The following MAML3 variants were observed in gnomAD, a reference collection of about 807,000 sequenced individuals.
MAML3 encodes mastermind-like protein 3.
Under a neutral mutation model 101.9 loss-of-function variants are expected in MAML3, and 27 were observed. The observed-to-expected ratio is 0.27, with a 90% CI of 0.20 to 0.37. The LOEUF (loss-of-function observed/expected upper bound fraction) is 0.37. MAML3 is among the 10% of genes least tolerant of loss of function. MAML3 has a pLI of 1.00. For missense variants in MAML3, 1,316 were observed against 1,444.9 expected (o/e 0.91, Z 1.45); for synonymous variants, 501 against 555.9 (o/e 0.90, Z 1.39).
At chr4:139,731,204 A>G (rs1728692950) in intron 2 of MAML3, 1 of 159,652 alleles carries the variant, frequency 6.3e-6, no homozygotes, top group Non-Finnish European at 1.4e-5. Context: ...GCTTAGATAT[A>G]TGTCAGAAAG....
At chr4:139,891,950 T>C (rs1732508435) in intron 1 of MAML3, among the ~76,000 whole-genome samples, 1 of 152,222 alleles carries the variant, frequency 6.6e-6, no homozygotes, top group South Asian at 2.1e-4. Context: ...TTCTTTTTCC[T>C]AAACGATGGG....
intron 1 of MAML3, among the ~76,000 whole-genome samples, chr4:140,094,860 C>G (rs190611626): frequency 4.9e-4 from 75 of 152,348 alleles, no homozygotes; most frequent in Admixed American, 1.4e-3. Flanking sequence ...ATAAGCTGTT[C>G]TTTTTCTTTT....
intron 1 of MAML3, among the ~76,000 whole-genome samples, chr4:140,011,342 G>T (rs113922645): frequency 0.52 from 47,655 of 91,654 alleles, 11,606 homozygotes; most frequent in East Asian, 0.78. Context: ...TTCTTGTTTT[G>T]TTTTTTTTTT....
intron 2 of MAML3, among the ~76,000 whole-genome samples, chr4:139,827,346 G>C (rs1731078784): frequency 6.6e-6 from 1 of 152,174 alleles, no homozygotes; most frequent in Non-Finnish European, 1.5e-5. Context: ...AACAAAGACT[G>C]ACTGCTGAGG....
intron 2 of MAML3, among the ~76,000 whole-genome samples, chr4:139,774,039 G>C (rs1730046324): frequency 1.3e-5 from 2 of 152,318 alleles, no homozygotes. Context: ...ATCCTTTGCA[G>C]CAGGCCGTGT....
At chr4:139,955,924 C>T (rs1733908116) in intron 1 of MAML3, among the ~76,000 whole-genome samples, 1 of 152,202 alleles carries the variant, frequency 6.6e-6, no homozygotes, top group Non-Finnish European at 1.5e-5. Flanking sequence ...ACAGCCTCCC[C>T]ACTCTTCCCC....
At chr4:140,140,899 C>A (rs1316803689) in intron 1 of MAML3, among the ~76,000 whole-genome samples, 2 of 152,150 alleles carry the variant, frequency 1.3e-5, no homozygotes, top group African/African-American at 2.4e-5. Context: ...GGGACCTCAT[C>A]ATAAAACAGC....
intron 1 of MAML3, among the ~76,000 whole-genome samples, chr4:140,140,106 G>A (rs1264570250): frequency 3.3e-5 from 5 of 152,068 alleles, no homozygotes; most frequent in Admixed American, 1.3e-4. Context: ...GGTGGATCAC[G>A]AGGTCAGGAG....
At chr4:140,075,725 A>G (rs1055270542) in intron 1 of MAML3, among the ~76,000 whole-genome samples, 2 of 150,686 alleles carry the variant, frequency 1.3e-5, no homozygotes, top group African/African-American at 4.9e-5. Flanking sequence ...TTTTGTAGAG[A>G]TGACGTCTCC....
intron 2 of MAML3, among the ~76,000 whole-genome samples, chr4:139,871,885 G>GT (rs1209408363): frequency 6.6e-6 from 1 of 152,204 alleles, no homozygotes; most frequent in Admixed American, 6.5e-5. Context: ...GTTATCGGTT[G>GT]TAACTACTTG....
intron 1 of MAML3, among the ~76,000 whole-genome samples, chr4:139,991,066 A>G (rs1454866859): frequency 2.0e-5 from 3 of 152,270 alleles, no homozygotes; most frequent in Admixed American, 6.5e-5. Flanking sequence ...AAGTTCATAT[A>G]GAACCAAAAG....
At position 139,918,928 on chromosome 4, in the gene MAML3, A is replaced by G. The variant is rs562556269; in HGVS notation, c.469-27961T>C. Among the ~76,000 whole-genome samples, 4 of 152,262 alleles carry G rather than the reference A, an allele frequency of 2.6e-5. No homozygotes were observed. The East Asian group carries it at 7.7e-4, about 29-fold the overall frequency. ...GCAAGAGAAATTTGGATTGACCCCC[A>G]AGAAGCACACAAATGTAATTTAAAG... On this transcript the variant is annotated intron_variant, in intron 1 of 4. Coordinates refer to ENST00000509479, the MANE Select transcript of MAML3 (RefSeq NM_018717.5).
At position 140,153,457 on chromosome 4, in the gene MAML3, G is replaced by T; in HGVS notation, c.-130C>A. On this transcript the variant is annotated 5_prime_UTR_variant, in exon 1 of 5. Coordinates refer to ENST00000509479, the MANE Select transcript of MAML3 (RefSeq NM_018717.5). Reference sequence around the variant, plus strand: ...GAGACGCAAGCACATGGATGGAAACGGCGATCCCGACGGGGCGAAAAAAAC... The same window carrying T: ...GAGACGCAAGCACATGGATGGAAACTGCGATCCCGACGGGGCGAAAAAAAC... 9.0e-7 allele frequency: 1 copy of T among 1,111,326 alleles called. No individual in the cohort carries two copies. The highest frequency in any genetic ancestry group is 1.2e-6 in the Non-Finnish European group (1 of 850,082). The allele number at this position is 1,111,326 out of a possible 1,614,324, so 68.8% of individuals were successfully genotyped here.
intron 1 of MAML3, among the ~76,000 whole-genome samples, chr4:139,954,929 CAATGATAATAATAAAAGAAGCGAT>C (rs1193395285): frequency 1.3e-5 from 2 of 151,694 alleles, no homozygotes; most frequent in Non-Finnish European, 2.9e-5. Context: ...TAAAGAATAA[CAATGATAATAATAAAAGAAGCGAT>C]AATGATAATA....
Position 139,719,481 on chromosome 4 carries a change from T to G in MAML3, c.3259A>C (p.Asn1087His), listed in dbSNP as rs1188547034. The G allele has an allele frequency of 3.1e-6, 5 of 1,614,014 alleles. No individual in the cohort carries two copies. Among genetic ancestry groups the G allele is most frequent in the Non-Finnish European group, 4.2e-6 (5 of 1,179,894 alleles). The change falls in exon 5 of 5, where the codon AAT becomes CAT. Residue 1087 changes from asparagine to histidine, a missense_variant. Asn to His is a moderately conservative substitution (Grantham distance 68). Coordinates refer to ENST00000509479, the MANE Select transcript of MAML3 (RefSeq NM_018717.5). The stretch of plus-strand genomic sequence containing the variant: ...TTGTATGACACGTCCTGAGGGGCAT[T>G]CCGCTCATAGGCTTGGCTCTGGCTG... ...PSSQSQAYER[N>H]APQDVSYNYS...
At chr4:140,121,216 C>T (rs1348129266) in intron 1 of MAML3, among the ~76,000 whole-genome samples, 1 of 152,188 alleles carries the variant, frequency 6.6e-6, no homozygotes, top group Non-Finnish European at 1.5e-5. Context: ...TTAGCTATTC[C>T]TAATTGTGCC....
chr4:139,905,245 C>A (rs1390154663), intron 1 of MAML3, among the ~76,000 whole-genome samples: 1 of 152,170 alleles, frequency 6.6e-6, no homozygotes, highest in Non-Finnish European at 1.5e-5. Context: ...ATAATCCCAG[C>A]ACTTTGGGAG....
intron 2 of MAML3, among the ~76,000 whole-genome samples, chr4:139,884,235 A>C (rs1732280543): frequency 6.6e-6 from 1 of 152,194 alleles, no homozygotes; most frequent in Non-Finnish European, 1.5e-5. Flanking sequence ...GATGGCTATG[A>C]ATTTTGCAGC....
chr4:140,002,134 G>T (rs1043541345), intron 1 of MAML3, among the ~76,000 whole-genome samples: 1 of 152,042 alleles, frequency 6.6e-6, no homozygotes, highest in Admixed American at 6.6e-5. Context: ...TCACCACGTT[G>T]TATAATAGAT....
Sources: allele counts gnomAD v4.1 joint callset (sites outside exome capture counted in the v4.1 genomes callset), GRCh38; gene constraint gnomAD v4.1.1; transcripts MANE v1.5; gene names NCBI Gene and HGNC (gene_info 2026-07-23, HGNC 2026-07-21).